The following QKI variants were observed in gnomAD, a reference collection of about 807,000 sequenced individuals.
QKI encodes QKI, KH domain containing RNA binding.
Under a neutral mutation model 39.0 loss-of-function variants are expected in QKI, and 10 were observed. The ratio of observed to expected loss-of-function variants is 0.26; its 90% CI spans 0.16 to 0.43. QKI has a LOEUF of 0.43. Ranked by LOEUF, QKI falls within the 20% of genes least tolerant of loss-of-function variation. The pLI, the probability that QKI is intolerant of heterozygous loss-of-function variation, is 1.00. For synonymous variants in QKI, 204 were observed against 155.4 expected, an observed-to-expected ratio of 1.31 and a Z score of -2.33; for missense variants, 218 against 428.0, an observed-to-expected ratio of 0.51 and a Z score of 4.33.
chr6:163,551,802 G>A (rs1782249251), intron 4 of QKI, among the ~76,000 whole-genome samples: 1 of 152,144 alleles, frequency 6.6e-6, no homozygotes, highest in African/African-American at 2.4e-5. Flanking sequence ...CATTACCTTG[G>A]AAGTCTTGTA....
Position 163,539,632 on chromosome 6 carries a change from G to C in QKI, c.546+4507G>C, listed in dbSNP as rs78658548. Among the ~76,000 whole-genome samples, 325 of 152,248 alleles carry C rather than the reference G, an allele frequency of 2.1e-3. 5 individuals are homozygous for C. The East Asian group carries it at 0.048, about 23-fold the overall frequency. On this transcript the variant is annotated intron_variant, in intron 4 of 7. Coordinates refer to ENST00000361752, the MANE Select transcript of QKI (RefSeq NM_006775.3). ...CCTTCTCTTCAGTGGAAGAGATGCT[G>C]CATGAATTTGGCAGAGTTAATTAAC...
chr6:163,541,055 T>C (rs2128242953), intron 4 of QKI, among the ~76,000 whole-genome samples: 1 of 152,160 alleles, frequency 6.6e-6, no homozygotes, highest in South Asian at 2.1e-4. Context: ...ATTTTAAAGG[T>C]AGATCAGTGA....
intron 3 of QKI, among the ~76,000 whole-genome samples, chr6:163,482,264 A>G (rs571521363): frequency 7.9e-5 from 12 of 152,320 alleles, no homozygotes; most frequent in Non-Finnish European, 1.5e-4. Context: ...CATTTCTAAG[A>G]GTGATAACTT....
chr6:163,533,736 C>T, intron 3 of QKI, among the ~76,000 whole-genome samples: 1 of 152,144 alleles, frequency 6.6e-6, no homozygotes, highest in Non-Finnish European at 1.5e-5. Flanking sequence ...ACTCAGAGTT[C>T]ACTCTTTGGA....
At chr6:163,466,591 CTT>C (rs1343205748) in intron 2 of QKI, among the ~76,000 whole-genome samples, 1 of 151,990 alleles carries the variant, frequency 6.6e-6, no homozygotes, top group African/African-American at 2.4e-5. Flanking sequence ...GTCAACTAAT[CTT>C]TGACAAGGGT....
At chr6:163,473,922 TA>T (rs35101956) in intron 2 of QKI, among the ~76,000 whole-genome samples, 103,063 of 150,944 alleles carry the variant, frequency 0.68, 36,065 homozygotes, top group East Asian at 0.99. Flanking sequence ...GGACATTTCT[TA>T]AAAAAAAAAA....
At chr6:163,436,558 A>C (rs1227632532) in intron 1 of QKI, among the ~76,000 whole-genome samples, 2 of 152,188 alleles carry the variant, frequency 1.3e-5, no homozygotes, top group Non-Finnish European at 2.9e-5. Context: ...TCACACCTGT[A>C]ATCCCAGCAC....
intron 3 of QKI, among the ~76,000 whole-genome samples, chr6:163,534,321 A>T (rs1781059130): frequency 6.6e-6 from 1 of 152,190 alleles, no homozygotes; most frequent in South Asian, 2.1e-4. Context: ...GTATGGTCTG[A>T]TGGGAATGTA....
At chr6:163,522,380 C>G (rs75799777) in intron 3 of QKI, among the ~76,000 whole-genome samples, 2 of 152,046 alleles carry the variant, frequency 1.3e-5, no homozygotes, top group Non-Finnish European at 2.9e-5. Flanking sequence ...TAAATGAATA[C>G]GTGAGTGAGT....
intron 2 of QKI, among the ~76,000 whole-genome samples, chr6:163,470,396 T>C (rs1017564799): frequency 1.3e-5 from 2 of 152,128 alleles, no homozygotes; most frequent in Non-Finnish European, 2.9e-5. Flanking sequence ...TGAAATTGCA[T>C]TGATCCTGGG....
chr6:163,415,756 C>A (rs1582939294), intron 1 of QKI, among the ~76,000 whole-genome samples: 1 of 151,986 alleles, frequency 6.6e-6, no homozygotes, highest in Non-Finnish European at 1.5e-5. Context: ...CGGCGCGGGC[C>A]CCGCTCCTCC....
At chr6:163,564,174 GTGTT>G (rs1457249203) in intron 6 of QKI, 1 of 1,020,138 alleles carries the variant, frequency 9.8e-7, no homozygotes, top group African/African-American at 1.7e-5. Context: ...ATTATTGTGT[GTGTT>G]TTGTAATATT....
intron 1 of QKI, among the ~76,000 whole-genome samples, chr6:163,451,787 C>T (rs1236079370): frequency 1.3e-5 from 2 of 152,104 alleles, no homozygotes; most frequent in Admixed American, 6.5e-5. Context: ...ATAGTGTGTA[C>T]AGCATATTAG....
intron 3 of QKI, among the ~76,000 whole-genome samples, chr6:163,516,500 G>A (rs755955748): frequency 1.3e-5 from 2 of 152,000 alleles, no homozygotes; most frequent in Non-Finnish European, 2.9e-5. Context: ...TCACCATGTT[G>A]GCCAGGATGG....
intron 1 of QKI, among the ~76,000 whole-genome samples, chr6:163,431,370 T>C (rs993153557): frequency 1.3e-5 from 2 of 152,168 alleles, no homozygotes; most frequent in South Asian, 2.1e-4. Flanking sequence ...TTTTTAAAAA[T>C]GTAATTCTCT....
intron 1 of QKI, among the ~76,000 whole-genome samples, chr6:163,442,879 G>A: frequency 6.6e-6 from 1 of 152,118 alleles, no homozygotes; most frequent in East Asian, 1.9e-4. Context: ...CTTCTAATCA[G>A]TTATACTTTT....
At chr6:163,496,422 C>T (rs1417100140) in intron 3 of QKI, among the ~76,000 whole-genome samples, 1 of 152,098 alleles carries the variant, frequency 6.6e-6, no homozygotes, top group Non-Finnish European at 1.5e-5. Flanking sequence ...CCTTCTGTGG[C>T]TGGTGAGTTG....
intron 1 of QKI, among the ~76,000 whole-genome samples, chr6:163,428,397 A>T (rs897147637): frequency 4.6e-5 from 7 of 152,192 alleles, no homozygotes; most frequent in Non-Finnish European, 2.9e-5. Flanking sequence ...TTTCTTTGTA[A>T]TTATAAAGTC....
At chr6:163,479,249 C>A (rs1792872882) in intron 3 of QKI, among the ~76,000 whole-genome samples, 1 of 152,140 alleles carries the variant, frequency 6.6e-6, no homozygotes, top group Admixed American at 6.5e-5. Context: ...CACTGCACTC[C>A]AGCCTGGGCA....
Sources: allele counts gnomAD v4.1 joint callset (sites outside exome capture counted in the v4.1 genomes callset), GRCh38; gene constraint gnomAD v4.1.1; transcripts MANE v1.5; gene names NCBI Gene and HGNC (gene_info 2026-07-23, HGNC 2026-07-21).